Variants in SYT2 observed in about 807,000 individuals in gnomAD.
The protein encoded by SYT2 is synaptotagmin 2, also known as synaptotagmin-2.
SYT2 carries 15 observed loss-of-function variants against 39.9 expected under a neutral mutation model. The ratio of observed to expected loss-of-function variants is 0.38; its 90% confidence interval spans 0.25 to 0.58. The LOEUF (loss-of-function observed/expected upper bound fraction) is 0.58. Ranked by LOEUF, SYT2 falls within the 20% of genes least tolerant of loss-of-function variation. The pLI is 0.70. For missense variants in SYT2, 389 were observed against 530.3 expected, an observed-to-expected ratio of 0.73 and a Z score of 2.62; for synonymous variants, 181 against 204.5, an observed-to-expected ratio of 0.89 and a Z score of 0.98.
chr1:202,629,351 C>T (rs545864026), intron 1 of SYT2, among the ~76,000 whole-genome samples: 1 of 152,300 alleles, frequency 6.6e-6, no homozygotes, highest in African/African-American at 2.4e-5. Flanking sequence ...TCCTCCAGCC[C>T]ACCTTCCCCA....
chr1:202,599,389 T>G lies in SYT2; in HGVS notation c.920-38A>C. ...AATCCCAACCCCAGAGAGGTTCCCC[T>G]TAGCCCCCAGCCTTCCTGCCGAATG... On this transcript the variant is annotated intron_variant, in intron 7 of 8. Transcript: ENST00000367268. The surrounding 1 kb of genome is among the most constrained non-coding windows in gnomAD (Gnocchi z 4.4). The G allele has an allele frequency of 6.4e-7, 1 of 1,555,956 alleles. No individual in the cohort carries two copies. The highest frequency in any genetic ancestry group is 8.6e-7 in the Non-Finnish European group (1 of 1,158,756).
intron 1 of SYT2, among the ~76,000 whole-genome samples, chr1:202,655,720 G>T (rs1692266207): frequency 6.6e-6 from 1 of 152,158 alleles, no homozygotes; most frequent in Non-Finnish European, 1.5e-5. Flanking sequence ...CAAAAGAAAT[G>T]GGCATGCGCT....
intron 1 of SYT2, among the ~76,000 whole-genome samples, chr1:202,652,691 G>A (rs1692214589): frequency 6.6e-6 from 1 of 152,192 alleles, no homozygotes; most frequent in South Asian, 2.1e-4. Context: ...AGGGGGCCGG[G>A]CATCAGTCAT....
rs1312469811 is a variant in SYT2 at position 202,656,941 on chromosome 1, C to CTCCAGGTGG, written c.-17-51153_-17-51152insCCACCTGGA. 1.1e-4 allele frequency among the ~76,000 whole-genome samples: 16 copies of CTCCAGGTGG among 152,354 alleles called. 1 individual carries two copies. The East Asian group carries it at 3.1e-3, about 29-fold the overall frequency. ...CAGCCCTTCAGAATACAGGACCACTCTCCAGCTCTCTGGAAGCAGCCACCA... is the reference window on the plus strand; with the variant it reads ...CAGCCCTTCAGAATACAGGACCACTCTCCAGGTGGTCCAGCTCTCTGGAAGCAGCCACCA... On this transcript the variant is annotated intron_variant, in intron 1 of 8. Transcript: ENST00000367268.
intron 1 of SYT2, among the ~76,000 whole-genome samples, chr1:202,655,793 G>A (rs895303150): frequency 3.3e-5 from 5 of 152,166 alleles, no homozygotes; most frequent in Admixed American, 2.6e-4. Context: ...TCTGTGTCAT[G>A]GGTAGCAAAG....
At chr1:202,632,797 C>T (rs1341013136) in intron 1 of SYT2, 1 of 153,358 alleles carries the variant, frequency 6.5e-6, no homozygotes, top group Non-Finnish European at 1.4e-5. Context: ...ACCAGACAGC[C>T]TTTGCTCAAA....
chr1:202,661,923 C>G (rs1692390045), intron 1 of SYT2, among the ~76,000 whole-genome samples: 1 of 152,182 alleles, frequency 6.6e-6, no homozygotes, highest in Admixed American at 6.5e-5. Flanking sequence ...TGAGAGTCCA[C>G]CAGGTACCAG....
chr1:202,669,444 G>C (rs1225260791), intron 1 of SYT2, among the ~76,000 whole-genome samples: 1 of 152,042 alleles, frequency 6.6e-6, no homozygotes, highest in Non-Finnish European at 1.5e-5. Flanking sequence ...GAAGTCAGGA[G>C]TTCAAGACCA....
In SYT2 at chr1:202,604,655, T is replaced by C. The variant is rs1029291575; in HGVS notation, c.179-34A>G. 15 of 1,600,640 alleles carry C rather than the reference T, an allele frequency of 9.4e-6. No individual in the cohort carries two copies. In the African/African-American group the frequency reaches 9.4e-5, roughly 10 times the overall value. On this transcript the variant is annotated intron_variant, in intron 2 of 8. Transcript: ENST00000367268. ...ACAGAGAAGATCCCAGGGTCAGCAG[T>C]GCCATGCCTTGCAGCCCCTGACCCC...
chr1:202,631,829 A>C (rs780436462), intron 1 of SYT2, among the ~76,000 whole-genome samples: 3 of 152,168 alleles, frequency 2.0e-5, no homozygotes, highest in African/African-American at 7.2e-5. Context: ...GGTGTTATAG[A>C]CAGGACTCAG....
intron 1 of SYT2, among the ~76,000 whole-genome samples, chr1:202,636,954 A>T (rs150734461): frequency 2.0e-5 from 3 of 152,304 alleles, no homozygotes; most frequent in Non-Finnish European, 2.9e-5. Context: ...CTAGCATCTG[A>T]GGTTTAACCA....
At chr1:202,665,199 G>A (rs1692459186) in intron 1 of SYT2, among the ~76,000 whole-genome samples, 2 of 152,148 alleles carry the variant, frequency 1.3e-5, no homozygotes, top group Non-Finnish European at 2.9e-5. Context: ...GTGATGAGGA[G>A]GAAAAGGGCA....
rs1322401494 is a variant in SYT2, at chr1:202,599,869, G to A, written c.919+488C>T. 6.6e-6 allele frequency among the ~76,000 whole-genome samples: 1 copy of A among 152,128 alleles called. No individual in the cohort carries two copies. The highest frequency in any genetic ancestry group is 1.9e-4 in the East Asian group (1 of 5,184). On this transcript the variant is annotated intron_variant, in intron 7 of 8. Coordinates refer to ENST00000367268, the MANE Select transcript of SYT2 (RefSeq NM_177402.5). The surrounding 1 kb of genome is among the most constrained non-coding windows in gnomAD (Gnocchi z 4.4). ...CTCTGGGAAGGCAGCTGAGGCAGCAGGCTTCATCCACTAGAGCCCTGTGCC... is the reference window on the plus strand; with the variant it reads ...CTCTGGGAAGGCAGCTGAGGCAGCAAGCTTCATCCACTAGAGCCCTGTGCC...
chr1:202,702,851 G>A (rs1430055293), intron 1 of SYT2, among the ~76,000 whole-genome samples: 1 of 152,234 alleles, frequency 6.6e-6, no homozygotes, highest in Non-Finnish European at 1.5e-5. Context: ...ACAGGAGGCA[G>A]AAGACAAGGA....
chr1:202,620,665 CT>C lies in SYT2; in HGVS notation c.-17-14877del, dbSNP rs545005438. ...AACATGTCTAGAGGCTCTCTCTTTC[CT>C]TAACTCCAAATGCCCAGATATGCTC... On this transcript the variant is annotated intron_variant, in intron 1 of 8. Coordinates refer to ENST00000367268, the MANE Select transcript of SYT2 (RefSeq NM_177402.5). Among the ~76,000 whole-genome samples, 1,001 of 152,154 alleles carry C rather than the reference CT, an allele frequency of 6.6e-3. 5 individuals are homozygous for C. The highest frequency in any genetic ancestry group is 0.034 in the Middle Eastern group (10 of 294).
Position 202,623,407 on chromosome 1 carries a change from C to T in SYT2, c.-17-17618G>A, listed in dbSNP as rs887304198. On this transcript the variant is annotated intron_variant, in intron 1 of 8. Coordinates refer to ENST00000367268, the MANE Select transcript of SYT2 (RefSeq NM_177402.5). This position sits in a 1 kb window ranked among gnomAD's most constrained non-coding sequence, Gnocchi z 4.2. ...GCCCCCAGACAGGCTGCCTTCCCAC[C>T]TCCTTCTCCAGAGACTCAGAATCTT... Among the ~76,000 whole-genome samples the T allele has an allele frequency of 6.6e-6, 1 of 152,216 alleles. No individual in the cohort carries two copies. The highest frequency in any genetic ancestry group is 2.4e-5 in the African/African-American group (1 of 41,454).
chr1:202,630,392 T>A (rs1691550474), intron 1 of SYT2: 2 of 985,238 alleles, frequency 2.0e-6, no homozygotes, highest in East Asian at 1.1e-4. Flanking sequence ...TTTCCCATGA[T>A]GCACAGGCGC....
intron 3 of SYT2, 129 bp from the exon 4 acceptor site, chr1:202,603,247 A>T: frequency 7.6e-7 from 1 of 1,307,456 alleles, no homozygotes; most frequent in Non-Finnish European, 1.0e-6. Context: ...TGGTGGGAAC[A>T]CAAGAGGGAA....
At chr1:202,618,416 T>TGTGTGCGC (rs997059017) in intron 1 of SYT2, among the ~76,000 whole-genome samples, 3 of 151,772 alleles carry the variant, frequency 2.0e-5, no homozygotes, top group African/African-American at 7.3e-5. Flanking sequence ...TGTGTGTGTG[T>TGTGTGCGC]GTGTGTGTGT....
Sources: gnomAD v4.1 joint callset for allele counts (sites outside exome capture counted in the v4.1 genomes callset) on GRCh38, gnomAD v4.1.1 for gene constraint, Gnocchi (gnomAD v3.1) non-coding constraint, MANE v1.5 for transcripts, NCBI Gene and HGNC (gene_info 2026-07-23, HGNC 2026-07-21) for gene names.